Variants in GCN1 observed in about 807,000 individuals in gnomAD.
GCN1 encodes the protein GCN1 activator of EIF2AK4.
A neutral mutation model predicts 288.4 loss-of-function variants in GCN1; 90 were observed. That is an observed-to-expected ratio of 0.31 (90% CI 0.26 to 0.37). GCN1 has a LOEUF of 0.37. Ranked by LOEUF, GCN1 falls within the 10% of genes least tolerant of loss-of-function variation. The pLI is 1.00. For synonymous variants in GCN1, 1,386 were observed against 1,420.2 expected (o/e 0.98, Z 0.54); for missense variants, 2,586 against 3,419.9 (o/e 0.76, Z 6.08).
intron 11 of GCN1, among the ~76,000 whole-genome samples, chr12:120,175,528 TG>T (rs748993678): frequency 3.9e-5 from 6 of 152,206 alleles, no homozygotes; most frequent in Non-Finnish European, 7.3e-5. Context: ...TACAAAAATG[TG>T]TATCTTAAAA....
At position 120,153,185 on chromosome 12, in the gene GCN1, T is replaced by C. The variant is rs1387850412; in HGVS notation, c.4062+28A>G. On this transcript the variant is annotated intron_variant, in intron 33 of 57. Coordinates refer to ENST00000300648, the MANE Select transcript of GCN1 (RefSeq NM_006836.2). This position sits in a 1 kb window ranked among gnomAD's most constrained non-coding sequence, Gnocchi z 4.4. ...CCGGGTCCCAATTCTCTAACCGACA[T>C]GTGGGTCCCAGGCCAGATGGCAGGT... 1 of 1,599,862 alleles carries C rather than the reference T, an allele frequency of 6.3e-7. No homozygotes were observed. The highest frequency in any genetic ancestry group is 2.2e-5 in the East Asian group (1 of 44,758).
At chr12:120,192,181 C>G (rs1879023645) in intron 1 of GCN1, among the ~76,000 whole-genome samples, 1 of 152,132 alleles carries the variant, frequency 6.6e-6, no homozygotes, top group South Asian at 2.1e-4. Flanking sequence ...TGCCATTTGT[C>G]TAAATCTCAG....
At chr12:120,188,001 G>A (rs908943900) in intron 2 of GCN1, among the ~76,000 whole-genome samples, 7 of 151,926 alleles carry the variant, frequency 4.6e-5, no homozygotes, top group Admixed American at 3.9e-4. Context: ...AATCAGATAT[G>A]CTCAGCATTT....
At position 120,153,398 on chromosome 12, in the gene GCN1, T is replaced by C; in HGVS notation, c.3877A>G (p.Asn1293Asp). 1.9e-6 allele frequency: 3 copies of C among 1,613,968 alleles called. No individual in the cohort carries two copies. Among genetic ancestry groups the C allele is most frequent in the Non-Finnish European group, 1.7e-6 (2 of 1,179,986 alleles). ...TCCTCGAATACTGGCAACAGCGAGTTGACGTTCTCCTGGAAAGCCAAACCC... is the reference window on the plus strand; with the variant it reads ...TCCTCGAATACTGGCAACAGCGAGTCGACGTTCTCCTGGAAAGCCAAACCC... ...TLNTHGKENVNSLLPVFEEFL... is the reference protein window; with the variant it reads ...TLNTHGKENVDSLLPVFEEFL... The change falls in exon 33 of 58, where the codon AAC (asparagine) becomes GAC (aspartate). Residue 1293 changes from asparagine (N) to aspartate (D), a missense_variant. Around this residue, in one of 8 missense-constraint regions of GCN1, gnomAD observed 332 missense variants for 403.0 expected, o/e 0.82. Coordinates refer to ENST00000300648, the MANE Select transcript of GCN1 (RefSeq NM_006836.2). This position sits in a 1 kb window ranked among gnomAD's most constrained non-coding sequence, Gnocchi z 4.4.
rs376223599 is a variant in GCN1 at position 120,155,296 on chromosome 12, C to T, written c.3575G>A (p.Arg1192Gln). 2.4e-5 allele frequency: 39 copies of T among 1,614,076 alleles called. No homozygotes were observed. Among genetic ancestry groups the T allele is most frequent in the African/African-American group, 2.3e-4 (17 of 74,926 alleles). Residue 1192 changes from arginine to glutamine, a missense_variant, in exon 30 of 58, where the codon CGG becomes CAG. Transcript: ENST00000300648. The surrounding 1 kb of genome is among the most constrained non-coding windows in gnomAD (Gnocchi z 4.9). ...ALSQAVARYQ[R>Q]QAAEVMGRLM... ...CCTGCCCATAACCTCCGCCGCCTGC[C>T]GCTGGTAACGTGCCACTGCTTGGGA...
chr12:120,138,094 G>C lies in GCN1; in HGVS notation c.6250-50C>G, dbSNP rs73412809. The C allele has an allele frequency of 4.4e-4, 680 of 1,533,892 alleles. 4 individuals are homozygous for C. In the African/African-American group the frequency reaches 8.1e-3, roughly 18 times the overall value. ...CAGTGAATACTGTGCCAGGTGCTGC[G>C]CTAGGCTCTGGGAACAGACGGGTGG... On this transcript the variant is annotated intron_variant, in intron 47 of 57. Coordinates refer to ENST00000300648, the MANE Select transcript of GCN1 (RefSeq NM_006836.2).
In GCN1 at chr12:120,174,124, T is replaced by C. The variant is rs766257963; in HGVS notation, c.1139A>G (p.Gln380Arg). 57 of 1,610,380 alleles carry C rather than the reference T, an allele frequency of 3.5e-5. No individual in the cohort carries two copies. Among genetic ancestry groups the C allele is most frequent in the Non-Finnish European group, 4.7e-5 (55 of 1,176,526 alleles). ...CTCAGCCACGATCCCATTCAGGACC[T>C]GACTGGAAGGTCCAGACACCACGTG... ...SHHVVSGPSS[Q>R]VLNGIVAELF... The change falls in exon 13 of 58, where the codon CAG (glutamine) becomes CGG (arginine). Residue 380 changes from glutamine (Q) to arginine (R), a missense_variant. Physicochemically the swap from Gln to Arg is conservative, Grantham distance 43 (BLOSUM62 1). Coordinates refer to ENST00000300648, the MANE Select transcript of GCN1 (RefSeq NM_006836.2).
rs1261989884 is a variant in GCN1, at chr12:120,144,268, G to A, written c.5495+38C>T. On this transcript the variant is annotated intron_variant, in intron 42 of 57. Coordinates refer to ENST00000300648, the MANE Select transcript of GCN1 (RefSeq NM_006836.2). The surrounding 1 kb of genome is among the most constrained non-coding windows in gnomAD (Gnocchi z 4.7). ...TCGGATTATAGGCATGAGCCACCAC[G>A]CATCATCCCCACTGGGTCTTTCTGC... The A allele has an allele frequency of 8.7e-6, 14 of 1,610,328 alleles. No individual in the cohort carries two copies. Among genetic ancestry groups the A allele is most frequent in the African/African-American group, 4.0e-5 (3 of 74,962 alleles).
In GCN1 at chr12:120,173,699, A is replaced by G; in HGVS notation, c.1320T>C (p.Ser440=). 6.2e-7 allele frequency: 1 copy of G among 1,613,022 alleles called. No individual in the cohort carries two copies. The highest frequency in any genetic ancestry group is 8.5e-7 in the Non-Finnish European group (1 of 1,178,940). ...ACTGCAGGTAGGCATGCCTCACCGC[A>G]GATGTGGAGGTTTTAAGGCTGAAAG... ...KKAFSLKTST[S]AVRHAYLQCM... is the part of the protein sequence containing the mutation. The change falls in exon 14 of 58, where the codon TCT becomes TCC. Residue 440 remains serine, a synonymous_variant. Coordinates refer to ENST00000300648, the MANE Select transcript of GCN1 (RefSeq NM_006836.2).
intron 3 of GCN1, among the ~76,000 whole-genome samples, chr12:120,184,519 A>G (rs1878760198): frequency 6.6e-6 from 1 of 152,206 alleles, no homozygotes; most frequent in African/African-American, 2.4e-5. Context: ...CAGACGATTT[A>G]ACACACATGA....
chr12:120,162,973 T>C lies in GCN1; in HGVS notation c.2039-2A>G. On this transcript the variant is annotated splice_acceptor_variant, in intron 19 of 57. Transcript: ENST00000300648. LOFTEE classifies it high-confidence loss of function. The stretch of plus-strand genomic sequence containing the variant: ...GCCAAAGTCCAGACTGCACGGCAAC[T>C]GAAGGGGAAGGGAGCTCTTTGAGGC... The C allele has an allele frequency of 6.2e-7, 1 of 1,614,218 alleles. No homozygotes were observed. The highest frequency in any genetic ancestry group is 8.5e-7 in the Non-Finnish European group (1 of 1,180,026).
chr12:120,147,347 G>T (rs1016068092), intron 37 of GCN1, 75 bp from the exon 38 acceptor site: 5 of 724,818 alleles, frequency 6.9e-6, no homozygotes, highest in African/African-American at 1.8e-5. Flanking sequence ...CCCAGAACTA[G>T]AATGGATCAG....
In GCN1 at chr12:120,176,163, T is replaced by C. The variant is rs762419083; in HGVS notation, c.893A>G (p.Asp298Gly). 5.6e-6 allele frequency: 9 copies of C among 1,611,338 alleles called. No homozygotes were observed. In the Admixed American group the frequency reaches 1.5e-4, roughly 27 times the overall value. ...CTCACCAGCCAGTCCTTTCACGATG[T>C]CCATGGCATACTGGCTGAGGTCAAG... ...VTLDLSQYAMDIVKGLAGHLK... is the reference protein window; with the variant it reads ...VTLDLSQYAMGIVKGLAGHLK... Residue 298 changes from aspartate (D) to glycine (G), a missense_variant, in exon 10 of 58, where the codon GAC becomes GGC. Physicochemically the swap from Asp to Gly is moderately conservative, Grantham distance 94 (BLOSUM62 -1). This residue lies in a region of GCN1 where 913 missense variants were observed against 1,107.0 expected (regional missense o/e 0.82). Coordinates refer to ENST00000300648, the MANE Select transcript of GCN1 (RefSeq NM_006836.2).
chr12:120,149,785 A>C, intron 35 of GCN1, 65 bp from the exon 36 acceptor site: 1 of 1,529,434 alleles, frequency 6.5e-7, no homozygotes, highest in South Asian at 1.1e-5. Context: ...GCCTGACACC[A>C]GTCCTAGCGT....
At position 120,140,794 on chromosome 12, in the gene GCN1, T is replaced by TC. The variant is rs1331825463; in HGVS notation, c.5994+64dup. On this transcript the variant is annotated intron_variant, in intron 45 of 57. Transcript: ENST00000300648. ...AGAGGTGAACCTCCTTCAGTAGCCCTCCCCCGCCCTCTGAGTCAGGTCGTC... is the reference window on the plus strand; with the variant it reads ...AGAGGTGAACCTCCTTCAGTAGCCCTCCCCCCGCCCTCTGAGTCAGGTCGTC... 6 of 1,480,042 alleles carry TC rather than the reference T, an allele frequency of 4.1e-6. No individual in the cohort carries two copies. In the African/African-American group the frequency reaches 8.3e-5, roughly 20 times the overall value. 91.7% of individuals were successfully genotyped at this position (1,480,042 alleles called of 1,614,324 possible).
rs769935640 is a variant in GCN1 at position 120,136,600 on chromosome 12, C to T, written c.6910G>A (p.Val2304Ile). ...CGGATCAGAGGGCCAGTGATGCTGA[C>T]CACGGAGGGCCTCAGGGCGTCAGCC... ...TSADALRPSVVSITGPLIRIL... is the reference protein window; with the variant it reads ...TSADALRPSVISITGPLIRIL... The change falls in exon 51 of 58, where the codon GTC becomes ATC. Residue 2304 changes from valine to isoleucine, a missense_variant. Transcript: ENST00000300648. The T allele has an allele frequency of 6.2e-7, 1 of 1,614,214 alleles. No individual in the cohort carries two copies. The highest frequency in any genetic ancestry group is 8.5e-7 in the Non-Finnish European group (1 of 1,180,032).
chr12:120,157,106 G>A (rs1276644765), intron 26 of GCN1, 114 bp from the exon 27 acceptor site: 28 of 680,706 alleles, frequency 4.1e-5, no homozygotes, highest in Non-Finnish European at 6.9e-5. Context: ...TCATACAACC[G>A]GCCCCACCAC....
rs1342278088 is a variant in GCN1 at position 120,130,502 on chromosome 12, C to G, written c.7671+144G>C. The G allele has an allele frequency of 7.9e-6, 5 of 634,572 alleles. No individual in the cohort carries two copies. In the African/African-American group the frequency reaches 9.1e-5, roughly 12 times the overall value. 39.3% of individuals were successfully genotyped at this position (634,572 alleles called of 1,614,324 possible). On this transcript the variant is annotated intron_variant, in intron 56 of 57. Coordinates refer to ENST00000300648, the MANE Select transcript of GCN1 (RefSeq NM_006836.2). ...CACAGAAACCCCCTACATTCCATCCCTAAGTGTTCAGCGATCTCCTGGAGG... is the reference window on the plus strand; with the variant it reads ...CACAGAAACCCCCTACATTCCATCCGTAAGTGTTCAGCGATCTCCTGGAGG...
At chr12:120,146,803 T>C (rs1371053156) in intron 38 of GCN1, among the ~76,000 whole-genome samples, 2 of 152,146 alleles carry the variant, frequency 1.3e-5, no homozygotes, top group Non-Finnish European at 2.9e-5. Context: ...ACTTCAACAC[T>C]CTTGAGAGGT....
Sources: allele counts gnomAD v4.1 joint callset (sites outside exome capture counted in the v4.1 genomes callset), GRCh38; gene constraint gnomAD v4.1.1; regional missense constraint gnomAD v4.1.1; non-coding constraint Gnocchi (gnomAD v3.1); transcripts MANE v1.5; gene names NCBI Gene and HGNC (gene_info 2026-07-23, HGNC 2026-07-21).